The following TUNAR variants were observed in gnomAD, a reference collection of about 807,000 sequenced individuals.
The protein encoded by TUNAR is transmembrane neural differentiation associated intracellular calcium regulator.
At chr14:95,877,008 G>A (rs912002175) in exon 2 of TUNAR, 2 of 152,250 alleles carry the variant, frequency 1.3e-5, no homozygotes, top group Non-Finnish European at 2.9e-5. Context: ...CCTATCCGGC[G>A]GCGGCCAGCG....
intron 2 of TUNAR, among the ~76,000 whole-genome samples, chr14:95,919,391 G>C (rs1340348502): frequency 6.6e-6 from 1 of 152,262 alleles, no homozygotes; most frequent in Non-Finnish European, 1.5e-5. Flanking sequence ...GCATGCTGCA[G>C]TGTTTACGGG....
At chr14:95,911,346 G>C (rs1442345056) in intron 2 of TUNAR, among the ~76,000 whole-genome samples, 3 of 152,230 alleles carry the variant, frequency 2.0e-5, no homozygotes, top group Non-Finnish European at 2.9e-5. Flanking sequence ...TGTGGAGACA[G>C]TTCACTGCGT....
At chr14:95,883,161 G>A (rs1566784389) in intron 2 of TUNAR, among the ~76,000 whole-genome samples, 2 of 152,168 alleles carry the variant, frequency 1.3e-5, no homozygotes, top group African/African-American at 2.4e-5. Flanking sequence ...AAATACACCC[G>A]ACTTCTAAAA....
At chr14:95,919,941 G>C (rs1394307948) in intron 2 of TUNAR, among the ~76,000 whole-genome samples, 3 of 152,176 alleles carry the variant, frequency 2.0e-5, no homozygotes, top group African/African-American at 7.2e-5. Flanking sequence ...GTATATGCTT[G>C]CCCGAATATA....
At chr14:95,921,688 C>T (rs998316700) in intron 2 of TUNAR, among the ~76,000 whole-genome samples, 1 of 152,200 alleles carries the variant, frequency 6.6e-6, no homozygotes, top group African/African-American at 2.4e-5. Flanking sequence ...CCACTCTTGC[C>T]TGGAGAAAGC....
chr14:95,905,775 G>A (rs976679914), intron 2 of TUNAR, among the ~76,000 whole-genome samples: 3 of 152,226 alleles, frequency 2.0e-5, no homozygotes, highest in Middle Eastern at 3.4e-3. Flanking sequence ...TGTGGTGATT[G>A]CCTACTGGTG....
chr14:95,892,850 C>A (rs1238500539), intron 2 of TUNAR, among the ~76,000 whole-genome samples: 1 of 152,094 alleles, frequency 6.6e-6, no homozygotes, highest in African/African-American at 2.4e-5. Flanking sequence ...CTGGGAGATG[C>A]CTCAGGACAA....
At chr14:95,890,063 A>C (rs1478251242) in intron 2 of TUNAR, among the ~76,000 whole-genome samples, 1 of 151,752 alleles carries the variant, frequency 6.6e-6, no homozygotes, top group African/African-American at 2.4e-5. Flanking sequence ...GGCAGTGGCT[A>C]TTCACAGGCG....
intron 2 of TUNAR, among the ~76,000 whole-genome samples, chr14:95,922,373 A>G (rs1566793867): frequency 6.6e-6 from 1 of 152,182 alleles, no homozygotes; most frequent in Non-Finnish European, 1.5e-5. Flanking sequence ...GTGGATACTC[A>G]GGACAGCATG....
At chr14:95,904,866 C>T (rs544837957) in intron 2 of TUNAR, among the ~76,000 whole-genome samples, 2 of 152,344 alleles carry the variant, frequency 1.3e-5, no homozygotes, top group Non-Finnish European at 2.9e-5. Context: ...TGAGGACCTG[C>T]GCAGGATGTT....
At position 95,903,874 on chromosome 14, in the gene TUNAR, C is replaced by T. The variant is rs566851833; in HGVS notation, c.13-18907C>T. Among the ~76,000 whole-genome samples the T allele has an allele frequency of 3.0e-4, 45 of 152,318 alleles. No homozygotes were observed. In the South Asian group the frequency reaches 4.8e-3, roughly 16 times the overall value. ...TCTGCCCATTTCTCTCCACCTGGCT[C>T]GCTGGGGCTTCCTCACAGCAGGTGG... On this transcript the variant is annotated intron_variant, in intron 2 of 2. Coordinates refer to ENST00000678517, the Ensembl canonical transcript of TUNAR.
chr14:95,905,926 C>T (rs1425907031), intron 2 of TUNAR, among the ~76,000 whole-genome samples: 2 of 152,106 alleles, frequency 1.3e-5, no homozygotes, highest in African/African-American at 2.4e-5. Flanking sequence ...TTTCTTTTAT[C>T]CTGTGATTTA....
At chr14:95,913,413 C>T (rs899917123) in intron 2 of TUNAR, among the ~76,000 whole-genome samples, 4 of 152,108 alleles carry the variant, frequency 2.6e-5, no homozygotes, top group African/African-American at 4.8e-5. Context: ...TGAGAACATG[C>T]GGCGTTTGGT....
At chr14:95,909,579 G>A (rs1010789236) in intron 2 of TUNAR, among the ~76,000 whole-genome samples, 37 of 151,982 alleles carry the variant, frequency 2.4e-4, no homozygotes, top group African/African-American at 8.2e-4. Context: ...CACCGTGCCC[G>A]GCCGCTGCCA....
chr14:95,900,107 TC>T (rs904460210), intron 2 of TUNAR, among the ~76,000 whole-genome samples: 22 of 152,300 alleles, frequency 1.4e-4, no homozygotes, highest in African/African-American at 4.8e-4. Context: ...TTCCTTTTTT[TC>T]CCCCATTTAT....
chr14:95,881,080 A>C (rs1002778013), intron 2 of TUNAR, among the ~76,000 whole-genome samples: 1 of 152,222 alleles, frequency 6.6e-6, no homozygotes, highest in Non-Finnish European at 1.5e-5. Context: ...TCTGTCTGGC[A>C]ACCAAATTGT....
intron 2 of TUNAR, among the ~76,000 whole-genome samples, chr14:95,881,341 T>C (rs1352813146): frequency 6.6e-6 from 1 of 152,170 alleles, no homozygotes; most frequent in Non-Finnish European, 1.5e-5. Flanking sequence ...CTAAAAGAAT[T>C]CTCCTGGGTC....
At chr14:95,905,921 T>C (rs1407404119) in intron 2 of TUNAR, among the ~76,000 whole-genome samples, 1 of 152,218 alleles carries the variant, frequency 6.6e-6, no homozygotes, top group Non-Finnish European at 1.5e-5. Flanking sequence ...AGACATTTCT[T>C]TTATCCTGTG....
intron 2 of TUNAR, among the ~76,000 whole-genome samples, chr14:95,914,426 A>G (rs1889569405): frequency 6.6e-6 from 1 of 152,170 alleles, no homozygotes; most frequent in African/African-American, 2.4e-5. Flanking sequence ...CCCCAAAGTG[A>G]AGTGGTTCTT....
Sources: gnomAD v4.1 joint callset for allele counts (sites outside exome capture counted in the v4.1 genomes callset) on GRCh38, gnomAD v4.1.1 for gene constraint, MANE v1.5 for transcripts, NCBI Gene and HGNC (gene_info 2026-07-23, HGNC 2026-07-21) for gene names.